Variants in TCF20 observed in about 807,000 individuals in gnomAD.
The protein encoded by TCF20 is SPRE-binding protein.
A neutral mutation model predicts 148.6 loss-of-function variants in TCF20; 3 were observed. The observed-to-expected ratio is 0.02, with a 90% CI of 0.01 to 0.05. The LOEUF (loss-of-function observed/expected upper bound fraction) is 0.05. Ranked by LOEUF, TCF20 falls within the 10% of genes least tolerant of loss-of-function variation. The probability of loss-of-function intolerance (pLI) is 1.00; values close to 1 mark genes in which losing one functional copy is unlikely to be tolerated. For missense variants in TCF20, 2,350 were observed against 2,429.3 expected, an observed-to-expected ratio of 0.97 and a Z score of 0.69; for synonymous variants, 1,049 against 909.5, an observed-to-expected ratio of 1.15 and a Z score of -2.76.
chr22:42,200,973 T>C (rs550975813), intron 2 of TCF20, among the ~76,000 whole-genome samples: 2 of 152,314 alleles, frequency 1.3e-5, no homozygotes, highest in Non-Finnish European at 2.9e-5. Context: ...AAATCTCAGG[T>C]TGAACTGTAG....
intron 1 of TCF20, among the ~76,000 whole-genome samples, chr22:42,302,407 G>C (rs963614426): frequency 1.3e-5 from 2 of 152,172 alleles, no homozygotes; most frequent in Non-Finnish European, 2.9e-5. Context: ...CAGCCTTGGT[G>C]GGGGAGGTGA....
chr22:42,292,903 G>A lies in TCF20; in HGVS notation c.-37+50576C>T, dbSNP rs1927158958. On this transcript the variant is annotated intron_variant, in intron 1 of 1. Coordinates refer to the TCF20 transcript ENST00000515426. The surrounding 1 kb of genome is among the most constrained non-coding windows in gnomAD (Gnocchi z 4.9). ...CCACTGTCCCCAGCGCTGGATACTA[G>A]ATCCCACATCCCCCTCCCACTCTGT... Among the ~76,000 whole-genome samples the A allele has an allele frequency of 6.6e-6, 1 of 150,628 alleles. No homozygotes were observed. The highest frequency in any genetic ancestry group is 6.6e-5 in the Admixed American group (1 of 15,058).
intron 2 of TCF20, among the ~76,000 whole-genome samples, chr22:42,199,930 A>G (rs1024915787): frequency 6.9e-6 from 1 of 145,864 alleles, no homozygotes; most frequent in Admixed American, 6.9e-5. Flanking sequence ...ATGATAGCTT[A>G]AATTTTTTTG....
chr22:42,264,278 G>GGGGGCGGGGC (rs1926169245), intron 1 of TCF20, among the ~76,000 whole-genome samples: 1 of 149,694 alleles, frequency 6.7e-6, no homozygotes, highest in African/African-American at 2.5e-5. Context: ...GGGGCGGGGC[G>GGGGGCGGGGC]GGGGCAGGGT....
chr22:42,304,095 C>T (rs114583005), intron 1 of TCF20, among the ~76,000 whole-genome samples: 3,205 of 152,012 alleles, frequency 0.021, 103 homozygotes, highest in African/African-American at 0.073. Context: ...TGAGGTTTGG[C>T]GGTGATGGGG....
At chr22:42,305,717 T>C (rs527270449) in intron 1 of TCF20, among the ~76,000 whole-genome samples, 29 of 152,302 alleles carry the variant, frequency 1.9e-4, no homozygotes, top group Admixed American at 1.6e-3. Context: ...ACCCCTGGCC[T>C]GACAGTGGCC....
intron 3 of TCF20, among the ~76,000 whole-genome samples, chr22:42,175,134 CA>C (rs1196165646): frequency 6.6e-6 from 1 of 151,922 alleles, no homozygotes; most frequent in Non-Finnish European, 1.5e-5. Flanking sequence ...GAAGAAAACA[CA>C]ATATTACGAT....
chr22:42,247,034 G>A (rs528775260), intron 1 of TCF20, among the ~76,000 whole-genome samples: 27 of 150,900 alleles, frequency 1.8e-4, no homozygotes, highest in Non-Finnish European at 1.0e-4. Context: ...AAAGATTAAA[G>A]GTGCACCAGA....
In TCF20 at chr22:42,279,575, A is replaced by G. The variant is rs1471830867; in HGVS notation, c.-37+4252T>C. Among the ~76,000 whole-genome samples, 2 of 152,222 alleles carry G rather than the reference A, an allele frequency of 1.3e-5. No homozygotes were observed. Among genetic ancestry groups the G allele is most frequent in the African/African-American group, 4.8e-5 (2 of 41,452 alleles). The stretch of plus-strand genomic sequence containing the variant: ...GCCTTTTCACCCGTAGAACAGGGAC[A>G]TTAACATCACCCCCGAGTGAGGGCT... On this transcript the variant is annotated intron_variant, in intron 1 of 5. Transcript: ENST00000359486. This position sits in a 1 kb window ranked among gnomAD's most constrained non-coding sequence, Gnocchi z 4.3.
intron 2 of TCF20, among the ~76,000 whole-genome samples, chr22:42,190,792 T>TGAA (rs1937292543): frequency 0.01 from 1 of 98 alleles, no homozygotes; most frequent in African/African-American, 0.045. Context: ...TACACTTTAT[T>TGAA]GATGTTTAAG....
chr22:42,211,462 C>G lies in TCF20; in HGVS notation c.3844G>C (p.Gly1282Arg). The change falls in exon 2 of 6, where the codon GGT becomes CGT. Residue 1282 changes from glycine to arginine, a missense_variant. By Grantham distance (125) the Gly-to-Arg change is moderately radical. This residue lies in a region of TCF20 where 1,641 missense variants were observed against 1,662.6 expected (regional missense o/e 0.99). Transcript: ENST00000677622. ...TCTTTTGATGAGTGAAGGAGGCGAC[C>G]TTTATCTTCAGTGCTACTGTTCTTT... is the stretch of plus-strand genomic sequence containing the variant. Reference protein sequence around the residue: ...DVKNSSTEDKGRLLHSSKEGA... With the variant: ...DVKNSSTEDKRRLLHSSKEGA... 1 of 1,614,142 alleles carries G rather than the reference C, an allele frequency of 6.2e-7. No individual in the cohort carries two copies. Among genetic ancestry groups the G allele is most frequent in the Non-Finnish European group, 8.5e-7 (1 of 1,180,044 alleles).
At chr22:42,250,978 T>C (rs2073486136) in intron 1 of TCF20, among the ~76,000 whole-genome samples, 1 of 152,138 alleles carries the variant, frequency 6.6e-6, no homozygotes, top group African/African-American at 2.4e-5. Flanking sequence ...GCTCACCGTC[T>C]CGAGGACAGC....
chr22:42,323,863 GTGGTGGTGGTGGTGGTGGTGA>G (rs1927782523), intron 1 of TCF20, among the ~76,000 whole-genome samples: 1 of 113,870 alleles, frequency 8.8e-6, no homozygotes, highest in East Asian at 2.7e-4. Context: ...GGAGGTTATG[GTGGTGGTGGTGGTGGTGGTGA>G]TGGAGGTTAT....
chr22:42,331,044 C>T (rs140462963), intron 1 of TCF20, among the ~76,000 whole-genome samples: 286 of 152,358 alleles, frequency 1.9e-3, no homozygotes, highest in African/African-American at 6.1e-3. Flanking sequence ...GGGGCTGGGG[C>T]GGTCCTGGGC....
At chr22:42,175,715 T>C (rs754713260) in intron 3 of TCF20, among the ~76,000 whole-genome samples, 1 of 152,088 alleles carries the variant, frequency 6.6e-6, no homozygotes, top group Non-Finnish European at 1.5e-5. Context: ...CAGGGTAAAT[T>C]ACACCTTAGA....
At chr22:42,260,310 T>C (rs1480448852) in intron 1 of TCF20, among the ~76,000 whole-genome samples, 1 of 152,168 alleles carries the variant, frequency 6.6e-6, no homozygotes, top group East Asian at 1.9e-4. Context: ...AGGTTAGATA[T>C]GACCCTGTTG....
intron 1 of TCF20, among the ~76,000 whole-genome samples, chr22:42,241,156 G>T (rs1473578043): frequency 2.0e-5 from 3 of 152,108 alleles, no homozygotes; most frequent in Non-Finnish European, 4.4e-5. Flanking sequence ...GCGCGCCTGG[G>T]CTTCAACTTG....
At chr22:42,204,912 A>G (rs1938286072) in intron 2 of TCF20, among the ~76,000 whole-genome samples, 1 of 152,170 alleles carries the variant, frequency 6.6e-6, no homozygotes, top group Admixed American at 6.5e-5. Context: ...AGGTAAAAAA[A>G]AAAGATTAAA....
intron 1 of TCF20, among the ~76,000 whole-genome samples, chr22:42,229,389 A>G (rs555727154): frequency 5.9e-5 from 9 of 152,346 alleles, no homozygotes; most frequent in Non-Finnish European, 1.5e-5. Context: ...CAGGATATCC[A>G]GTCTGTAACT....
Sources: allele counts gnomAD v4.1 joint callset (sites outside exome capture counted in the v4.1 genomes callset), GRCh38; gene constraint gnomAD v4.1.1; regional missense constraint gnomAD v4.1.1; non-coding constraint Gnocchi (gnomAD v3.1); transcripts MANE v1.5; gene names NCBI Gene and HGNC (gene_info 2026-07-23, HGNC 2026-07-21).